The following DDTL variants were observed in gnomAD, a reference collection of about 807,000 sequenced individuals.
DDTL encodes the protein putative D-dopachrome decarboxylase-like protein.
DDTL carries 1 observed loss-of-function variant against 1.1 expected under a neutral mutation model. The ratio of observed to expected loss-of-function variants is 0.91; its 90% CI spans 0.32 to 4.31. The LOEUF is 4.31. DDTL is among the 30% of genes most tolerant of loss of function. The pLI is 0.17. For missense variants in DDTL, 54 were observed against 48.9 expected, an observed-to-expected ratio of 1.10 and a Z score of -0.31; for synonymous variants, 21 against 16.6, an observed-to-expected ratio of 1.26 and a Z score of -0.64.
chr22:23,969,430 G>C, intron 2 of DDTL: 1 of 986,062 alleles, frequency 1.0e-6, no homozygotes, highest in Non-Finnish European at 1.2e-6. Context: ...AGAGATGATG[G>C]AGTGTGCAGC....
chr22:23,969,916 A>C, intron 2 of DDTL: 1 of 955,778 alleles, frequency 1.0e-6, no homozygotes, highest in Non-Finnish European at 1.2e-6. Context: ...GGTGGCAGTA[A>C]GTCTGGGAGA....
rs192739691 is a variant in DDTL at position 23,971,529 on chromosome 22, C to T, written c.*123C>T. The stretch of plus-strand genomic sequence containing the variant: ...GGAAGAAGCAGCCAGTTCACAGATG[C>T]CCTGGATCCCTCCGTGCCCAATCAT... On this transcript the variant is annotated 3_prime_UTR_variant, in exon 3 of 3. Coordinates refer to ENST00000215770, the MANE Select transcript of DDTL (RefSeq NM_001084393.2). The T allele has an allele frequency of 6.2e-7, 1 of 1,613,374 alleles. No individual in the cohort carries two copies.
chr22:23,971,439 T>C lies in DDTL; in HGVS notation c.*33T>C. On this transcript the variant is annotated 3_prime_UTR_variant, in exon 3 of 3. Coordinates refer to ENST00000215770, the MANE Select transcript of DDTL (RefSeq NM_001084393.2). ...GAAGAGGATTATGTGATCACAGGAATGTTGCATGCGGGATAATCCAAAGCT... is the reference window on the plus strand; with the variant it reads ...GAAGAGGATTATGTGATCACAGGAACGTTGCATGCGGGATAATCCAAAGCT... The C allele has an allele frequency of 6.2e-7, 1 of 1,610,002 alleles. No individual in the cohort carries two copies.
In DDTL at chr22:23,971,515, C is replaced by G. The variant is rs1405324259; in HGVS notation, c.*109C>G. On this transcript the variant is annotated 3_prime_UTR_variant, in exon 3 of 3. Coordinates refer to ENST00000215770, the MANE Select transcript of DDTL (RefSeq NM_001084393.2). ...CAAGAGATCTCTCTGGAAGAAGCAG[C>G]CAGTTCACAGATGCCCTGGATCCCT... The G allele has an allele frequency of 1.2e-5, 20 of 1,611,772 alleles. No homozygotes were observed. The Middle Eastern group carries it at 6.6e-4, about 53-fold the overall frequency.
intron 2 of DDTL, 25 bp from the exon 3 acceptor site, chr22:23,971,261 A>G: frequency 6.3e-7 from 1 of 1,597,232 alleles, no homozygotes; most frequent in Non-Finnish European, 8.5e-7. Flanking sequence ...CCCAGATCTG[A>G]GCAGTCTAAA....
intron 2 of DDTL, 28 bp from the exon 3 acceptor site, chr22:23,971,258 C>G (rs185876363): frequency 1.9e-6 from 3 of 1,594,826 alleles, no homozygotes; most frequent in African/African-American, 2.7e-5. Context: ...AGCCCCAGAT[C>G]TGAGCAGTCT....
In DDTL at chr22:23,971,369, GTTTGAATGAGGAAGCTCTCT is replaced by G; in HGVS notation, c.370_389del (p.Leu124HisfsTer13). ...GAGATAATAGAAGGTAAGAAGTCAT[GTTTGAATGAGGAAGCTCTCT>G]TCATTTATTTCATATGAGGATGAAG... On this transcript the variant is annotated frameshift_variant, in exon 3 of 3. Transcript: ENST00000215770. LOFTEE classifies it low-confidence loss of function (END_TRUNC). The G allele has an allele frequency of 6.2e-7, 1 of 1,613,972 alleles. No individual in the cohort carries two copies. The highest frequency in any genetic ancestry group is 1.7e-4 in the Middle Eastern group (1 of 6,060).
intron 2 of DDTL, among the ~76,000 whole-genome samples, chr22:23,970,196 G>C (rs2033873949): frequency 6.6e-6 from 1 of 152,208 alleles, no homozygotes; most frequent in African/African-American, 2.4e-5. Context: ...AGCAAGGTGA[G>C]GACTGGCTTT....
chr22:23,969,390 G>A, intron 2 of DDTL: 1 of 983,694 alleles, frequency 1.0e-6, no homozygotes, highest in Non-Finnish European at 1.2e-6. Flanking sequence ...ATTAGGAGGA[G>A]GCAGATTGCC....
chr22:23,970,452 G>A (rs562105709), intron 2 of DDTL, among the ~76,000 whole-genome samples: 1 of 152,018 alleles, frequency 6.6e-6, no homozygotes, highest in African/African-American at 2.4e-5. Context: ...GTGTGTGACG[G>A]GGAGTATGTG....
At position 23,971,577 on chromosome 22, in the gene DDTL, T is replaced by A. The variant is rs766772399; in HGVS notation, c.*171T>A. On this transcript the variant is annotated 3_prime_UTR_variant, in exon 3 of 3. Coordinates refer to ENST00000215770, the MANE Select transcript of DDTL (RefSeq NM_001084393.2). ...CATAAAAAAGTCATGACCGTCCCTA[T>A]CTTGCCAATCTGCCAGGACTCCAAG... The A allele has an allele frequency of 5.0e-6, 8 of 1,614,030 alleles. No homozygotes were observed. The highest frequency in any genetic ancestry group is 5.9e-6 in the Non-Finnish European group (7 of 1,180,016).
At position 23,971,142 on chromosome 22, in the gene DDTL, C is replaced by T. The variant is rs2033893042; in HGVS notation, c.285-144C>T. On this transcript the variant is annotated intron_variant, in intron 2 of 2. Transcript: ENST00000215770. Reference sequence around the variant, plus strand: ...CCATTTTGGGGCTGAGGACAGGAGCCTCAGGTCAGCAGTCTGCAGGAAGGC... The same window carrying T: ...CCATTTTGGGGCTGAGGACAGGAGCTTCAGGTCAGCAGTCTGCAGGAAGGC... The T allele has an allele frequency of 4.0e-6, 5 of 1,242,088 alleles. No homozygotes were observed. The South Asian group carries it at 4.8e-5, about 12-fold the overall frequency. 76.9% of individuals were successfully genotyped at this position (1,242,088 alleles called of 1,614,324 possible).
At chr22:23,971,162 G>C in intron 2 of DDTL, 124 bp from the exon 3 acceptor site, 1 of 1,431,514 alleles carries the variant, frequency 7.0e-7, no homozygotes, top group Non-Finnish European at 9.4e-7. Context: ...CAGTCTGCAG[G>C]AAGGCCCCAG....
chr22:23,970,993 C>T (rs939627352), intron 2 of DDTL, among the ~76,000 whole-genome samples: 2 of 151,266 alleles, frequency 1.3e-5, no homozygotes, highest in African/African-American at 4.8e-5. Flanking sequence ...AGCGACCAAC[C>T]CCCAAAGGGA....
At position 23,971,999 on chromosome 22, in the gene DDTL, AC is replaced by A. The variant is rs1233152640; in HGVS notation, c.*599del. On this transcript the variant is annotated 3_prime_UTR_variant, in exon 3 of 3. Coordinates refer to ENST00000215770, the MANE Select transcript of DDTL (RefSeq NM_001084393.2). ...TTTCTCAAAGGCTGAGCACAGGGTGACCCCCCACCCCACCAACCCCGCCACT... is the reference window on the plus strand; with the variant it reads ...TTTCTCAAAGGCTGAGCACAGGGTGACCCCCACCCCACCAACCCCGCCACT... 8.7e-6 allele frequency: 2 copies of A among 230,908 alleles called. No homozygotes were observed. The highest frequency in any genetic ancestry group is 1.4e-5 in the Non-Finnish European group (2 of 139,644). The allele number at this position is 230,908 out of a possible 1,614,324, so 14.3% of individuals were successfully genotyped here. A position where few individuals can be genotyped will look rare whatever the true frequency, so the allele number is the denominator to read the frequency against.
intron 2 of DDTL, chr22:23,969,191 A>C (rs2033855816): frequency 2.0e-6 from 2 of 985,298 alleles, no homozygotes; most frequent in South Asian, 9.4e-5. Context: ...TGAGAAGACT[A>C]AGGCTCTTCA....
intron 2 of DDTL, among the ~76,000 whole-genome samples, chr22:23,970,341 T>C (rs1035933602): frequency 6.6e-6 from 1 of 152,110 alleles, no homozygotes; most frequent in African/African-American, 2.4e-5. Context: ...CATGGGTGTA[T>C]ACGTGAATTT....
At chr22:23,970,701 G>A (rs867729740) in intron 2 of DDTL, among the ~76,000 whole-genome samples, 1 of 151,920 alleles carries the variant, frequency 6.6e-6, no homozygotes. Flanking sequence ...GCGGGTGGAT[G>A]TGTGTATGTG....
Position 23,972,532 on chromosome 22 carries a change from G to C in DDTL, c.*1126G>C, listed in dbSNP as rs912377738. The stretch of plus-strand genomic sequence containing the variant: ...TGTATTGTTTAGGGAATAATGACAA[G>C]GAATAAAGTCTATACGTATTTTCAG... On this transcript the variant is annotated 3_prime_UTR_variant, in exon 3 of 3. Coordinates refer to ENST00000215770, the MANE Select transcript of DDTL (RefSeq NM_001084393.2). The C allele has an allele frequency of 5.5e-6, 4 of 726,176 alleles. No individual in the cohort carries two copies. Among genetic ancestry groups the C allele is most frequent in the East Asian group, 2.1e-4 (2 of 9,490 alleles). The allele number at this position is 726,176 out of a possible 1,614,324, so 45.0% of individuals were successfully genotyped here.
Sources: allele counts gnomAD v4.1 joint callset (sites outside exome capture counted in the v4.1 genomes callset), GRCh38; gene constraint gnomAD v4.1.1; transcripts MANE v1.5; gene names NCBI Gene and HGNC (gene_info 2026-07-23, HGNC 2026-07-21).